The following TENM3 variants were observed in gnomAD, a reference collection of about 807,000 sequenced individuals.
TENM3 encodes the protein teneurin transmembrane protein 3, also known as teneurin-3.
TENM3 carries 63 observed loss-of-function variants against 255.1 expected under a neutral mutation model. That is an observed-to-expected ratio of 0.25 (90% CI 0.20 to 0.30). The LOEUF is 0.30. TENM3 is among the 10% of genes least tolerant of loss of function. The probability of loss-of-function intolerance (pLI) is 1.00; values close to 1 mark genes in which losing one functional copy is unlikely to be tolerated. For missense variants in TENM3, 2,929 were observed against 3,461.1 expected, an observed-to-expected ratio of 0.85 and a Z score of 3.86; for synonymous variants, 1,306 against 1,322.3, an observed-to-expected ratio of 0.99 and a Z score of 0.27.
the TENM3 span, among the ~76,000 whole-genome samples, chr4:181,899,472 A>G: frequency 1.3e-5 from 2 of 152,138 alleles, no homozygotes; most frequent in South Asian, 2.1e-4. Flanking sequence ...ACCAACAACA[A>G]TTTTTAAACT....
chr4:182,578,027 A>T (rs1745106273), intron 3 of TENM3, among the ~76,000 whole-genome samples: 2 of 150,542 alleles, frequency 1.3e-5, no homozygotes, highest in Admixed American at 1.3e-4. Flanking sequence ...CCCAGGCTGG[A>T]GTGCAATGGC....
chr4:181,881,994 A>C, the TENM3 span, among the ~76,000 whole-genome samples: 1 of 152,212 alleles, frequency 6.6e-6, no homozygotes, highest in Admixed American at 6.5e-5. Flanking sequence ...TGAGAGAAAA[A>C]TATGCACACC....
Position 182,714,103 on chromosome 4 carries a change from G to A in TENM3, c.2238G>A (p.Leu746=), listed in dbSNP as rs760957667. ...EHCTIEGCPG[L]CNSNGRCTLD... ...TCTCGACAGAGGGTTGTCCTGGTCT[G>A]TGCAACAGCAATGGAAGATGTACCC... is the stretch of plus-strand genomic sequence containing the variant. The change falls in exon 13 of 28, where the codon CTG becomes CTA. Residue 746 remains leucine, a synonymous_variant. Transcript: ENST00000511685. 6.2e-7 allele frequency: 1 copy of A among 1,613,752 alleles called. No homozygotes were observed. Among genetic ancestry groups the A allele is most frequent in the South Asian group, 1.1e-5 (1 of 91,066 alleles).
chr4:181,939,104 T>C, the TENM3 span, among the ~76,000 whole-genome samples: 1 of 152,226 alleles, frequency 6.6e-6, no homozygotes, highest in Non-Finnish European at 1.5e-5. Flanking sequence ...ATAATAATTA[T>C]AACAGTAATC....
chr4:182,417,037 G>A (rs1256733096), intron 3 of TENM3, among the ~76,000 whole-genome samples: 8 of 151,990 alleles, frequency 5.3e-5, no homozygotes, highest in African/African-American at 1.7e-4. Context: ...GCGGTGGTGC[G>A]ATCTCGGCTC....
the TENM3 span, among the ~76,000 whole-genome samples, chr4:181,470,478 C>G: frequency 6.6e-6 from 1 of 151,948 alleles, no homozygotes; most frequent in Non-Finnish European, 1.5e-5. Context: ...ATGTACCCTG[C>G]AAGGTTGCTT....
chr4:182,099,046 C>G, the TENM3 span, among the ~76,000 whole-genome samples: 1 of 148,744 alleles, frequency 6.7e-6, no homozygotes, highest in Non-Finnish European at 1.5e-5. Flanking sequence ...ACTGCAACCT[C>G]TGCTTCCCGG....
At chr4:181,734,646 C>T in the TENM3 span, among the ~76,000 whole-genome samples, 2 of 151,990 alleles carry the variant, frequency 1.3e-5, no homozygotes, top group African/African-American at 4.8e-5. Flanking sequence ...TCAAGATTTT[C>T]CAAAGCACAG....
chr4:182,278,647 C>A (rs189748938), intron 1 of TENM3, among the ~76,000 whole-genome samples: 2 of 149,314 alleles, frequency 1.3e-5, no homozygotes, highest in African/African-American at 5.0e-5. Context: ...TTTCCCAGTG[C>A]CTGAAGTCCC....
chr4:181,913,016 A>AG, the TENM3 span, among the ~76,000 whole-genome samples: 2 of 152,166 alleles, frequency 1.3e-5, no homozygotes, highest in Non-Finnish European at 2.9e-5. Flanking sequence ...TAACAGCACA[A>AG]GGGTCACATG....
chr4:182,514,797 TGTTA>T (rs1353820154), intron 3 of TENM3, among the ~76,000 whole-genome samples: 1 of 151,952 alleles, frequency 6.6e-6, no homozygotes, highest in South Asian at 2.1e-4. Flanking sequence ...AATATACAGA[TGTTA>T]GTTTAAGCTA....
intron 3 of TENM3, among the ~76,000 whole-genome samples, chr4:182,578,716 T>C (rs1449055812): frequency 2.6e-5 from 4 of 152,166 alleles, no homozygotes; most frequent in African/African-American, 4.8e-5. Flanking sequence ...CATAATAAAT[T>C]TCTTCCCAGG....
intron 2 of TENM3, among the ~76,000 whole-genome samples, chr4:182,340,509 T>TAA (rs1227632302): frequency 1.6e-4 from 24 of 152,230 alleles, no homozygotes; most frequent in Non-Finnish European, 3.2e-4. Context: ...TTCTTAAACC[T>TAA]GTTTTTTGTA....
the TENM3 span, among the ~76,000 whole-genome samples, chr4:181,904,280 C>G: frequency 3.1e-3 from 478 of 152,138 alleles, 1 homozygote; most frequent in African/African-American, 0.011. Flanking sequence ...CGTGCTTCTT[C>G]TCTTTCTTCC....
Position 182,276,845 on chromosome 4 carries a change from G to T in TENM3, c.-76+33369G>T, listed in dbSNP as rs80047154. On this transcript the variant is annotated intron_variant, in intron 1 of 27. Transcript: ENST00000511685. The stretch of plus-strand genomic sequence containing the variant: ...TGGCAAACTTTGATATCTCTCTGCT[G>T]GGCATAAAGTCTGCTAAGTAAAATG... Among the ~76,000 whole-genome samples, 37 of 152,252 alleles carry T rather than the reference G, an allele frequency of 2.4e-4. 2 individuals are homozygous for T. The East Asian group carries it at 7.2e-3, about 29-fold the overall frequency.
chr4:181,665,892 A>G, the TENM3 span, among the ~76,000 whole-genome samples: 52,156 of 151,938 alleles, frequency 0.34, 9,132 homozygotes, highest in Non-Finnish European at 0.36. Context: ...AAAATAATGC[A>G]TAAAATAAAG....
At chr4:181,734,836 A>G in the TENM3 span, among the ~76,000 whole-genome samples, 1 of 152,182 alleles carries the variant, frequency 6.6e-6, no homozygotes, top group Non-Finnish European at 1.5e-5. Context: ...TCTCCTGTGC[A>G]TAGGTTCTAT....
the TENM3 span, among the ~76,000 whole-genome samples, chr4:182,020,682 A>C: frequency 6.6e-6 from 1 of 152,200 alleles, no homozygotes; most frequent in Non-Finnish European, 1.5e-5. Flanking sequence ...TGTTATGTCC[A>C]TTTAAAAATA....
the TENM3 span, among the ~76,000 whole-genome samples, chr4:182,124,523 G>C: frequency 1.3e-5 from 2 of 152,212 alleles, no homozygotes; most frequent in Non-Finnish European, 2.9e-5. Context: ...CCAAGGGAGT[G>C]AGTCTAGAAA....
Sources: gnomAD v4.1 joint callset for allele counts (sites outside exome capture counted in the v4.1 genomes callset) on GRCh38, gnomAD v4.1.1 for gene constraint, MANE v1.5 for transcripts, NCBI Gene and HGNC (gene_info 2026-07-23, HGNC 2026-07-21) for gene names.